TUSC3: variants seen among roughly 807,000 people sequenced by gnomAD.
TUSC3 encodes the protein tumor suppressor candidate 3, also known as dolichyl-diphosphooligosaccharide--protein glycosyltransferase subunit TUSC3.
In TUSC3, 45 loss-of-function variants were observed where a neutral mutation model predicts 44.8. That is an observed-to-expected ratio of 1.00 (90% CI 0.79 to 1.29). TUSC3 has a LOEUF of 1.29. Ranked by LOEUF, TUSC3 falls within the 50% of genes most tolerant of loss-of-function variation. The pLI, the probability that TUSC3 is intolerant of heterozygous loss-of-function variation, is 0.00. For missense variants in TUSC3, 519 were observed against 437.9 expected, an observed-to-expected ratio of 1.19 and a Z score of -1.65; for synonymous variants, 212 against 152.9, an observed-to-expected ratio of 1.39 and a Z score of -2.85.
chr8:15,680,981 G>A (rs561976528), intron 6 of TUSC3, among the ~76,000 whole-genome samples: 1 of 151,980 alleles, frequency 6.6e-6, no homozygotes, highest in Non-Finnish European at 1.5e-5. Flanking sequence ...GATTCAATTT[G>A]CTATAATAAT....
intron 1 of TUSC3, 102 bp from the exon 2 acceptor site, chr8:15,622,978 A>G: frequency 1.7e-6 from 2 of 1,168,272 alleles, no homozygotes; most frequent in Non-Finnish European, 1.2e-6. Context: ...AAACTTGGAT[A>G]TCATTAGGAA....
In TUSC3 at chr8:15,743,543, G is replaced by A. The variant is rs367660078; in HGVS notation, c.868G>A (p.Ala290Thr). ...ESHIILVLNA[A>T]ITMGMVLLNE... ...TTCCTTGACAACTACTGCAGATGCC[G>A]CTATCACCATGGGGATGGTTCTTCT... The change falls in exon 8 of 11, where the codon GCT (alanine) becomes ACT (threonine). Residue 290 changes from alanine (A) to threonine (T), a missense_variant. By Grantham distance (58) the Ala-to-Thr change is moderately conservative (BLOSUM62 0). Transcript: ENST00000503731. The A allele has an allele frequency of 2.7e-5, 43 of 1,613,702 alleles. No homozygotes were observed. Among genetic ancestry groups the A allele is most frequent in the Non-Finnish European group, 2.9e-5 (34 of 1,179,820 alleles).
At chr8:15,628,504 GAA>G (rs1031038750) in intron 2 of TUSC3, among the ~76,000 whole-genome samples, 1 of 152,118 alleles carries the variant, frequency 6.6e-6, no homozygotes, top group Non-Finnish European at 1.5e-5. Context: ...ATTTATAAGA[GAA>G]AGAGATTGAA....
chr8:15,696,057 G>C lies in TUSC3; in HGVS notation c.798+22221G>C, dbSNP rs369963854. On this transcript the variant is annotated intron_variant, in intron 6 of 10. Coordinates refer to ENST00000503731, the MANE Select transcript of TUSC3 (RefSeq NM_006765.4). ...AAGCCAGCTGTGGAAATTTGCATAA[G>C]TAATGAGGAGCTGAATGTTAATCCC... Among the ~76,000 whole-genome samples the C allele has an allele frequency of 5.9e-5, 9 of 152,334 alleles. No homozygotes were observed. In the East Asian group the frequency reaches 9.7e-4, roughly 16 times the overall value.
At chr8:15,712,344 A>C (rs911061213) in intron 6 of TUSC3, among the ~76,000 whole-genome samples, 1 of 151,938 alleles carries the variant, frequency 6.6e-6, no homozygotes, top group African/African-American at 2.4e-5. Flanking sequence ...TTCTGTCACT[A>C]CCTGTTCATT....
the TUSC3 span, among the ~76,000 whole-genome samples, chr8:15,785,104 T>C: frequency 6.6e-6 from 1 of 152,082 alleles, no homozygotes; most frequent in African/African-American, 2.4e-5. Flanking sequence ...AAAGAATGAA[T>C]TTCTAACATA....
chr8:15,697,902 G>C (rs1450339224), intron 6 of TUSC3, among the ~76,000 whole-genome samples: 1 of 152,054 alleles, frequency 6.6e-6, no homozygotes, highest in Non-Finnish European at 1.5e-5. Context: ...TCAGTATTTA[G>C]TCTAGTTAAT....
At chr8:15,778,116 A>C in the TUSC3 span, among the ~76,000 whole-genome samples, 22 of 151,294 alleles carry the variant, frequency 1.5e-4, no homozygotes, top group East Asian at 3.9e-4. Context: ...AAAAAACAAA[A>C]AACCAAAAAA....
At chr8:15,545,989 C>G (rs990880807) in intron 1 of TUSC3, among the ~76,000 whole-genome samples, 1 of 151,744 alleles carries the variant, frequency 6.6e-6, no homozygotes, top group African/African-American at 2.4e-5. Flanking sequence ...GAGTATCATG[C>G]TAATCCTACC....
intron 6 of TUSC3, among the ~76,000 whole-genome samples, chr8:15,719,524 A>ACACACAC (rs1810214742): frequency 4.9e-5 from 1 of 20,554 alleles, no homozygotes; most frequent in East Asian, 1.6e-3. Context: ...CACCACACAC[A>ACACACAC]CACACACACA....
chr8:15,812,485 G>T, the TUSC3 span, among the ~76,000 whole-genome samples: 4,660 of 149,762 alleles, frequency 0.031, 230 homozygotes, highest in African/African-American at 0.11. Context: ...ATATACACTT[G>T]TTACTGCTGT....
At chr8:15,691,776 TG>T (rs1406076737) in intron 6 of TUSC3, among the ~76,000 whole-genome samples, 15 of 126,718 alleles carry the variant, frequency 1.2e-4, no homozygotes, top group Non-Finnish European at 1.7e-4. Context: ...AGGTGGTTTT[TG>T]TTTTTGTTTG....
rs185879211 is a variant in TUSC3 at position 15,751,546 on chromosome 8, G to C, written c.1028+3081G>C. On this transcript the variant is annotated intron_variant, in intron 9 of 10. Coordinates refer to ENST00000503731, the MANE Select transcript of TUSC3 (RefSeq NM_006765.4). The stretch of plus-strand genomic sequence containing the variant: ...GATTGGCTAAGTTTTTCATCCCCCA[G>C]TATAGGGGCGTCTGATTTAAGTAGA... Among the ~76,000 whole-genome samples, 25 of 152,252 alleles carry C rather than the reference G, an allele frequency of 1.6e-4. No individual in the cohort carries two copies. The East Asian group carries it at 3.7e-3, about 22-fold the overall frequency.
intron 1 of TUSC3, among the ~76,000 whole-genome samples, chr8:15,549,203 C>G (rs1801970446): frequency 6.6e-6 from 1 of 151,760 alleles, no homozygotes; most frequent in Non-Finnish European, 1.5e-5. Context: ...GAGACGGAGT[C>G]TTGCTCTGTC....
the TUSC3 span, among the ~76,000 whole-genome samples, chr8:15,824,436 A>G: frequency 6.6e-6 from 1 of 151,670 alleles, no homozygotes; most frequent in African/African-American, 2.4e-5. Context: ...GATGGTTTCC[A>G]GCTTCATCCA....
At chr8:15,698,291 T>C (rs4322010) in intron 6 of TUSC3, among the ~76,000 whole-genome samples, 92,373 of 151,774 alleles carry the variant, frequency 0.61, 29,950 homozygotes, top group Non-Finnish European at 0.72. Flanking sequence ...AAAAAAATTA[T>C]TGTGTTCTAC....
intron 5 of TUSC3, among the ~76,000 whole-genome samples, chr8:15,671,231 A>C (rs992934771): frequency 1.3e-5 from 2 of 152,156 alleles, no homozygotes; most frequent in South Asian, 4.1e-4. Context: ...AGGAAGAGAC[A>C]CAAGAGAGCT....
rs528091898 is a variant in TUSC3, at chr8:15,497,260, C to G, written n.189+13777C>G. Among the ~76,000 whole-genome samples, 8 of 152,060 alleles carry G rather than the reference C, an allele frequency of 5.3e-5. No individual in the cohort carries two copies. In the East Asian group the frequency reaches 1.5e-3, roughly 29 times the overall value. On this transcript the variant is annotated intron_variant and non_coding_transcript_variant, in intron 2 of 5. Transcript: ENST00000503191. ...GAGTGTTAGCGTCTGCTTCCAAGTC[C>G]CAATTCCCACCGGGTGATTTAAAGA...
chr8:15,545,513 C>T (rs1190983309), intron 1 of TUSC3, among the ~76,000 whole-genome samples: 1 of 151,692 alleles, frequency 6.6e-6, no homozygotes, highest in Non-Finnish European at 1.5e-5. Flanking sequence ...TGCAAATATC[C>T]TTGAAAAGAT....
Sources: gnomAD v4.1 joint callset for allele counts (sites outside exome capture counted in the v4.1 genomes callset) on GRCh38, gnomAD v4.1.1 for gene constraint, MANE v1.5 for transcripts, NCBI Gene and HGNC (gene_info 2026-07-23, HGNC 2026-07-21) for gene names.